The following MMP26 variants were observed in gnomAD, a reference collection of about 807,000 sequenced individuals.
MMP26 encodes matrix metalloproteinase-26.
A neutral mutation model predicts 31.0 loss-of-function variants in MMP26; 33 were observed. The observed-to-expected ratio is 1.06, with a 90% CI of 0.81 to 1.42. MMP26 has a LOEUF of 1.42. MMP26 is among the 40% of genes most tolerant of loss of function. MMP26 has a pLI of 0.00. For missense variants in MMP26, 347 were observed against 316.1 expected (o/e 1.10, Z -0.74); for synonymous variants, 122 against 114.9 (o/e 1.06, Z -0.40).
chr11:4,891,463 A>T (rs1850622153), intron 2 of MMP26, among the ~76,000 whole-genome samples: 1 of 152,158 alleles, frequency 6.6e-6, no homozygotes, highest in African/African-American at 2.4e-5. Context: ...AACACCTCCC[A>T]CCAACCCCCA....
At chr11:4,877,693 T>C (rs533969603) in intron 2 of MMP26, 1 of 152,304 alleles carries the variant, frequency 6.6e-6, no homozygotes, top group South Asian at 2.1e-4. Context: ...GAATTTTAAA[T>C]GTACTTAATT....
intron 2 of MMP26, chr11:4,913,542 T>C (rs900905411): frequency 2.6e-5 from 4 of 152,208 alleles, no homozygotes; most frequent in Non-Finnish European, 5.9e-5. Flanking sequence ...ACTCAAAATA[T>C]AACTTTTATC....
At chr11:4,970,856 C>G (rs1382067545) in intron 2 of MMP26, among the ~76,000 whole-genome samples, 3 of 152,130 alleles carry the variant, frequency 2.0e-5, no homozygotes, top group Admixed American at 6.5e-5. Flanking sequence ...GGCTGATTCT[C>G]AGGCCCCGCA....
intron 1 of MMP26, among the ~76,000 whole-genome samples, chr11:4,705,262 G>A (rs1391686625): frequency 1.3e-5 from 2 of 152,096 alleles, no homozygotes; most frequent in Non-Finnish European, 2.9e-5. Flanking sequence ...GTTTGTTCAT[G>A]CCACAGTAAA....
rs16938368 is a variant in MMP26 at position 4,769,334 on chromosome 11, C to T, written c.-145+1993C>T. The T allele has an allele frequency of 7.6e-4, 1,231 of 1,613,386 alleles. 8 individuals carry two copies. The African/African-American group carries it at 0.014, about 18-fold the overall frequency. On this transcript the variant is annotated intron_variant, in intron 2 of 7. Coordinates refer to ENST00000380390, the MANE Select transcript of MMP26 (RefSeq NM_021801.5). ...AATTAATCCACAGATGCTATTTGCC[C>T]GAATGTCTGAACATGCTAATTGAAT... is the stretch of plus-strand genomic sequence containing the variant.
At chr11:4,749,544 T>C (rs952103025) in intron 1 of MMP26, among the ~76,000 whole-genome samples, 16 of 152,242 alleles carry the variant, frequency 1.1e-4, no homozygotes, top group Non-Finnish European at 1.5e-4. Flanking sequence ...AAGGCTATAG[T>C]AAGCAAAAGA....
At chr11:4,961,843 C>A (rs1240886336) in intron 2 of MMP26, among the ~76,000 whole-genome samples, 1 of 152,132 alleles carries the variant, frequency 6.6e-6, no homozygotes, top group East Asian at 1.9e-4. Flanking sequence ...GATTCTGACC[C>A]AAACTCATCT....
At chr11:4,939,871 C>T (rs942844277) in intron 2 of MMP26, among the ~76,000 whole-genome samples, 1 of 152,074 alleles carries the variant, frequency 6.6e-6, no homozygotes, top group Non-Finnish European at 1.5e-5. Flanking sequence ...TTTACACATC[C>T]TCTGAAACTT....
chr11:4,910,015 A>G lies in MMP26; in HGVS notation c.-144-78053A>G, dbSNP rs1010133434. Among the ~76,000 whole-genome samples, 6 of 152,130 alleles carry G rather than the reference A, an allele frequency of 3.9e-5. No homozygotes were observed. In the East Asian group the frequency reaches 9.6e-4, roughly 24 times the overall value. ...TTCTATTTCTGCATAACAAATTATT[A>G]AAAACTTAGTGGCTTAAAACAATAC... On this transcript the variant is annotated intron_variant, in intron 2 of 7. Transcript: ENST00000380390.
At chr11:4,904,368 G>A (rs1850850740) in intron 2 of MMP26, among the ~76,000 whole-genome samples, 1 of 152,012 alleles carries the variant, frequency 6.6e-6, no homozygotes, top group Non-Finnish European at 1.5e-5. Flanking sequence ...AATTCTAAGT[G>A]GTATGGGAAA....
chr11:4,934,378 A>C (rs1312532255), intron 2 of MMP26, among the ~76,000 whole-genome samples: 1 of 79,866 alleles, frequency 1.3e-5, no homozygotes, highest in African/African-American at 5.8e-5. Context: ...TCTTCTTTTG[A>C]GAAGTGTCTG....
chr11:4,884,309 C>T (rs1435345388), intron 2 of MMP26, among the ~76,000 whole-genome samples: 3 of 152,088 alleles, frequency 2.0e-5, no homozygotes, highest in East Asian at 1.9e-4. Context: ...CTCATTGTAG[C>T]TAAAATGTTT....
At chr11:4,888,858 C>A (rs1451596564) in intron 2 of MMP26, among the ~76,000 whole-genome samples, 3 of 152,134 alleles carry the variant, frequency 2.0e-5, no homozygotes, top group Non-Finnish European at 4.4e-5. Flanking sequence ...TGACTGAATG[C>A]TCCTCAACAA....
At chr11:4,970,010 T>C (rs1846644438) in intron 2 of MMP26, among the ~76,000 whole-genome samples, 1 of 152,228 alleles carries the variant, frequency 6.6e-6, no homozygotes, top group Non-Finnish European at 1.5e-5. Context: ...TTGGTAATAC[T>C]ATTCAGAAGT....
Position 4,943,076 on chromosome 11 carries a change from G to A in MMP26, c.-144-44992G>A, listed in dbSNP as rs1846239223. On this transcript the variant is annotated intron_variant, in intron 2 of 7. Transcript: ENST00000380390. ...CACCTAATTCACATATTCTCTGCTT[G>A]GACTAAATGATGCTCCCCTTCGTCC... is the stretch of plus-strand genomic sequence containing the variant. 4.4e-5 allele frequency: 7 copies of A among 158,352 alleles called. No homozygotes were observed. The South Asian group carries it at 1.3e-3, about 30-fold the overall frequency. The allele number at this position is 158,352 out of a possible 1,614,324, so 9.8% of individuals were successfully genotyped here. A position where few individuals can be genotyped will look rare whatever the true frequency, so the allele number is the denominator to read the frequency against.
chr11:4,899,962 T>C (rs1850776023), intron 2 of MMP26, among the ~76,000 whole-genome samples: 1 of 152,184 alleles, frequency 6.6e-6, no homozygotes, highest in Non-Finnish European at 1.5e-5. Flanking sequence ...TTCAGCTCTT[T>C]TGTTCCCAAA....
At chr11:4,900,824 A>G (rs1033908027) in intron 2 of MMP26, among the ~76,000 whole-genome samples, 1 of 152,286 alleles carries the variant, frequency 6.6e-6, no homozygotes, top group South Asian at 2.1e-4. Context: ...ACCATTAACA[A>G]TAAGTTGAAT....
intron 2 of MMP26, among the ~76,000 whole-genome samples, chr11:4,830,958 C>T (rs1370866790): frequency 6.6e-6 from 1 of 152,152 alleles, no homozygotes; most frequent in Admixed American, 6.5e-5. Flanking sequence ...TAAACAGGTA[C>T]AAATGGCATC....
intron 1 of MMP26, among the ~76,000 whole-genome samples, chr11:4,751,602 T>C (rs1848447471): frequency 1.3e-5 from 2 of 152,128 alleles, no homozygotes; most frequent in African/African-American, 4.8e-5. Flanking sequence ...TGAATGAAAC[T>C]TTAAAGAAAG....
Sources: gnomAD v4.1 joint callset for allele counts (sites outside exome capture counted in the v4.1 genomes callset) on GRCh38, gnomAD v4.1.1 for gene constraint, MANE v1.5 for transcripts, NCBI Gene and HGNC (gene_info 2026-07-23, HGNC 2026-07-21) for gene names.